The following PPIL6 variants were observed in gnomAD, a reference collection of about 807,000 sequenced individuals.
PPIL6 encodes the protein probable inactive peptidyl-prolyl cis-trans isomerase-like 6.
A neutral mutation model predicts 36.8 loss-of-function variants in PPIL6; 39 were observed. The ratio of observed to expected loss-of-function variants is 1.06; its 90% confidence interval spans 0.82 to 1.38. The LOEUF (loss-of-function observed/expected upper bound fraction) is 1.38, where lower values mean the gene tolerates loss of function less well. Among genes scored for constraint, PPIL6 ranks in the 40% most tolerant of loss-of-function variants. The pLI, the probability that PPIL6 is intolerant of heterozygous loss-of-function variation, is 0.00. For missense variants in PPIL6, 368 were observed against 379.1 expected (o/e 0.97, Z 0.24); for synonymous variants, 123 against 134.1 (o/e 0.92, Z 0.57).
intron 6 of PPIL6, among the ~76,000 whole-genome samples, chr6:109,402,665 G>T (rs1473316076): frequency 6.6e-6 from 1 of 152,152 alleles, no homozygotes; most frequent in Non-Finnish European, 1.5e-5. Context: ...TTTTTAAAAG[G>T]TGCAGGTAGT....
chr6:109,397,634 T>C (rs1415793696), intron 7 of PPIL6, among the ~76,000 whole-genome samples: 1 of 152,166 alleles, frequency 6.6e-6, no homozygotes, highest in African/African-American at 2.4e-5. Context: ...AAGTGAAGGC[T>C]GAACAAAGGA....
At chr6:109,405,186 A>G (rs144448519) in intron 6 of PPIL6, 5 of 218,040 alleles carry the variant, frequency 2.3e-5, no homozygotes, top group African/African-American at 1.2e-4. Flanking sequence ...TCAGGCCAAG[A>G]AAAGAAACTT....
At chr6:109,441,102 G>A (rs777103986), upstream of PPIL6, 1 of 1,613,990 alleles carries the variant, frequency 6.2e-7, no homozygotes, top group Non-Finnish European at 8.5e-7. Flanking sequence ...GCCGCCTAGC[G>A]CCCCTGGAGC....
Position 109,396,424 on chromosome 6 carries a change from G to T in PPIL6, c.825-3487C>A, listed in dbSNP as rs552575774. Among the ~76,000 whole-genome samples, 6 of 152,072 alleles carry T rather than the reference G, an allele frequency of 3.9e-5. No individual in the cohort carries two copies. In the South Asian group the frequency reaches 1.0e-3, roughly 26 times the overall value. Reference sequence around the variant, plus strand: ...TGGACCCTTGCTGACCCTCTTATCCGGCCTCCACCCTTTCCATTCTCCCCT... The same window carrying T: ...TGGACCCTTGCTGACCCTCTTATCCTGCCTCCACCCTTTCCATTCTCCCCT... On this transcript the variant is annotated intron_variant, in intron 7 of 7. Coordinates refer to ENST00000521072, the MANE Select transcript of PPIL6 (RefSeq NM_173672.5).
rs200201174 is a variant in PPIL6, at chr6:109,426,825, G to A, written c.631+22C>T. On this transcript the variant is annotated intron_variant, in intron 5 of 7. Transcript: ENST00000521072. ...TCTCATTTGATATTGCAATTAACTC[G>A]TATTTAAGATTTTAAACTTACCCCC... 9.6e-6 allele frequency: 14 copies of A among 1,455,502 alleles called. 1 individual carries two copies. The highest frequency in any genetic ancestry group is 4.5e-5 in the South Asian group (3 of 66,830). 90.2% of individuals were successfully genotyped at this position (1,455,502 alleles called of 1,614,324 possible).
At position 109,426,834 on chromosome 6, in the gene PPIL6, A is replaced by G; in HGVS notation, c.631+13T>C. The G allele has an allele frequency of 6.7e-7, 1 of 1,489,388 alleles. No homozygotes were observed. The highest frequency in any genetic ancestry group is 2.0e-5 in the Admixed American group (1 of 49,846). 92.3% of individuals were successfully genotyped at this position (1,489,388 alleles called of 1,614,324 possible). ...ATATTGCAATTAACTCGTATTTAAG[A>G]TTTTAAACTTACCCCCTCCTTGTAT... On this transcript the variant is annotated intron_variant, in intron 5 of 7. Coordinates refer to ENST00000521072, the MANE Select transcript of PPIL6 (RefSeq NM_173672.5).
chr6:109,396,968 G>A (rs1401451927), intron 7 of PPIL6, among the ~76,000 whole-genome samples: 1 of 151,316 alleles, frequency 6.6e-6, no homozygotes, highest in Non-Finnish European at 1.5e-5. Context: ...GACACACCTG[G>A]GGATACTGAG....
At chr6:109,403,182 C>G (rs910763422) in intron 6 of PPIL6, 4 of 1,118,394 alleles carry the variant, frequency 3.6e-6, no homozygotes, top group Non-Finnish European at 5.0e-6. Context: ...GCTAGTTGTT[C>G]AGACTAGTCT....
chr6:109,403,126 T>C (rs746782487), intron 6 of PPIL6: 9 of 1,457,526 alleles, frequency 6.2e-6, no homozygotes, highest in Admixed American at 2.4e-5. Context: ...TAAAGAGCTA[T>C]AATTTAAATT....
At chr6:109,440,204 A>G in intron 1 of PPIL6, 1 of 574,040 alleles carries the variant, frequency 1.7e-6, no homozygotes, top group Non-Finnish European at 3.3e-6. Flanking sequence ...GCGGTTCTGA[A>G]CCCTTCCTTC....
At chr6:109,436,727 C>CAAAAAACA in intron 1 of PPIL6, among the ~76,000 whole-genome samples, 1 of 151,792 alleles carries the variant, frequency 6.6e-6, no homozygotes, top group Middle Eastern at 3.4e-3. Flanking sequence ...TTTCAAAAAA[C>CAAAAAACA]AAAAAACAAA....
intron 7 of PPIL6, among the ~76,000 whole-genome samples, chr6:109,397,191 ACT>A (rs1041374565): frequency 4.8e-5 from 7 of 147,360 alleles, no homozygotes; most frequent in Non-Finnish European, 9.0e-5. Context: ...TAAGGAATAC[ACT>A]GAGATCATAC....
At chr6:109,397,885 G>C (rs1772363393) in intron 7 of PPIL6, among the ~76,000 whole-genome samples, 1 of 148,108 alleles carries the variant, frequency 6.8e-6, no homozygotes. Flanking sequence ...AATGTTATTT[G>C]GATTTAAAAC....
rs1325653938 is a variant in PPIL6 at position 109,420,277 on chromosome 6, G to A, written c.632-1034C>T. Among the ~76,000 whole-genome samples, 6 of 131,074 alleles carry A rather than the reference G, an allele frequency of 4.6e-5. No individual in the cohort carries two copies. The South Asian group carries it at 9.6e-4, about 21-fold the overall frequency. 86.0% of individuals were successfully genotyped at this position (131,074 alleles called of 152,430 possible). A position where few individuals can be genotyped will look rare whatever the true frequency, so the allele number is the denominator to read the frequency against. ...GAATCCGGGAGGCAGAGGTTGCAGC[G>A]AGCTGAGATCGCACCACTGCACTCC... On this transcript the variant is annotated intron_variant, in intron 5 of 7. Coordinates refer to ENST00000521072, the MANE Select transcript of PPIL6 (RefSeq NM_173672.5).
At chr6:109,440,665 G>T, upstream of PPIL6, 1 of 1,109,680 alleles carries the variant, frequency 9.0e-7, no homozygotes, top group Non-Finnish European at 1.1e-6. Flanking sequence ...CGCCTCCGCC[G>T]CTCGCAGGAG....
chr6:109,409,424 C>T (rs1308180270), intron 6 of PPIL6, among the ~76,000 whole-genome samples: 1 of 152,004 alleles, frequency 6.6e-6, no homozygotes, highest in Non-Finnish European at 1.5e-5. Flanking sequence ...ATTAGCCAGG[C>T]AGGGCGGCAG....
chr6:109,435,656 G>A (rs1458797142), intron 2 of PPIL6, among the ~76,000 whole-genome samples: 3 of 151,300 alleles, frequency 2.0e-5, no homozygotes, highest in African/African-American at 4.8e-5. Flanking sequence ...CGAGCTCAGT[G>A]ACTCACGCCT....
At chr6:109,435,719 G>GT (rs1774408156) in intron 2 of PPIL6, among the ~76,000 whole-genome samples, 1 of 152,164 alleles carries the variant, frequency 6.6e-6, no homozygotes, top group South Asian at 2.1e-4. Flanking sequence ...GAGCTCAGGA[G>GT]TTTGAGACTA....
Position 109,428,580 on chromosome 6 carries a change from T to C in PPIL6, c.421-1424A>G, listed in dbSNP as rs74468072. 3.6e-3 allele frequency among the ~76,000 whole-genome samples: 549 copies of C among 151,342 alleles called. 3 individuals carry two copies. The highest frequency in any genetic ancestry group is 0.012 in the African/African-American group (507 of 41,258). On this transcript the variant is annotated intron_variant, in intron 3 of 7. Transcript: ENST00000521072. ...AAAAAAAAAAAAAAAAACCACCTTATTGAGCAAGGTGCATAACTTGTCCTG... is the reference window on the plus strand; with the variant it reads ...AAAAAAAAAAAAAAAAACCACCTTACTGAGCAAGGTGCATAACTTGTCCTG...
Sources: gnomAD v4.1 joint callset for allele counts (sites outside exome capture counted in the v4.1 genomes callset) on GRCh38, gnomAD v4.1.1 for gene constraint, MANE v1.5 for transcripts, NCBI Gene and HGNC (gene_info 2026-07-23, HGNC 2026-07-21) for gene names.